Variants in PCDHA7 observed in about 807,000 individuals in gnomAD.
PCDHA7 encodes protocadherin alpha 7.
In PCDHA7, 37 loss-of-function variants were observed where a neutral mutation model predicts 57.2. The observed-to-expected ratio is 0.65, with a 90% CI of 0.50 to 0.85. PCDHA7 has a LOEUF of 0.85. Among genes scored for constraint, PCDHA7 ranks in the 40% least tolerant of loss-of-function variants. PCDHA7 has a pLI of 0.00. For synonymous variants in PCDHA7, 553 were observed against 558.8 expected (o/e 0.99, Z 0.15); for missense variants, 1,188 against 1,241.8 (o/e 0.96, Z 0.65).
chr5:140,938,309 A>T (rs1379097876), intron 1 of PCDHA7, among the ~76,000 whole-genome samples: 1 of 152,216 alleles, frequency 6.6e-6, no homozygotes, highest in African/African-American at 2.4e-5. Flanking sequence ...AATTCAGTAT[A>T]AAATTGAATA....
rs906170025 is a variant in PCDHA7 at position 140,935,893 on chromosome 5, T to C, written c.2356-43056T>C. Among the ~76,000 whole-genome samples, 23 of 129,968 alleles carry C rather than the reference T, an allele frequency of 1.8e-4. 1 individual carries two copies. In the Admixed American group the frequency reaches 1.8e-3, roughly 10 times the overall value. The allele number at this position is 129,968 out of a possible 152,430, so 85.3% of individuals were successfully genotyped here. A position where few individuals can be genotyped will look rare whatever the true frequency, so the allele number is the denominator to read the frequency against. ...AATGAGCTCCAATTTATCAATATTA[T>C]CTTTTTTTTTTTTTTTTGAGACAGA... On this transcript the variant is annotated intron_variant, in intron 1 of 3. Transcript: ENST00000525929.
intron 1 of PCDHA7, chr5:140,843,553 G>T: frequency 6.3e-7 from 1 of 1,595,928 alleles, no homozygotes; most frequent in African/African-American, 1.3e-5. Context: ...GCTCCAGTGC[G>T]GTGGGGAGCT....
At chr5:140,915,290 C>G (rs1583944127) in intron 1 of PCDHA7, among the ~76,000 whole-genome samples, 1 of 152,254 alleles carries the variant, frequency 6.6e-6, no homozygotes, top group African/African-American at 2.4e-5. Flanking sequence ...ACTCTTTCTA[C>G]TTAAGATAAG....
At chr5:140,942,601 GT>G (rs1453167051) in intron 1 of PCDHA7, among the ~76,000 whole-genome samples, 1 of 130,480 alleles carries the variant, frequency 7.7e-6, no homozygotes, top group Non-Finnish European at 1.6e-5. Flanking sequence ...TAATTATAGT[GT>G]TTATATTTGC....
intron 1 of PCDHA7, chr5:140,930,305 T>C (rs1554207723): frequency 6.6e-6 from 1 of 152,252 alleles, no homozygotes; most frequent in Non-Finnish European, 1.5e-5. Flanking sequence ...TAAGTAAATA[T>C]CATATTTGAG....
intron 3 of PCDHA7, among the ~76,000 whole-genome samples, chr5:140,985,692 C>T (rs1208331191): frequency 6.6e-6 from 1 of 151,060 alleles, no homozygotes; most frequent in Non-Finnish European, 1.5e-5. Flanking sequence ...CGCTAATCCT[C>T]GTTCATATGT....
intron 1 of PCDHA7, among the ~76,000 whole-genome samples, chr5:140,939,605 G>GAACAAGGA (rs1468383916): frequency 1.3e-5 from 2 of 152,082 alleles, no homozygotes; most frequent in African/African-American, 4.8e-5. Flanking sequence ...CTCAAAAACA[G>GAACAAGGA]AACAAGGAGA....
At chr5:140,882,529 T>G (rs1277056302) in intron 1 of PCDHA7, 1 of 1,614,074 alleles carries the variant, frequency 6.2e-7, no homozygotes, top group Non-Finnish European at 8.5e-7. Context: ...TGTTTGTGAA[T>G]TCTCGGATCG....
At chr5:140,856,890 G>T in intron 1 of PCDHA7, 2 of 1,596,172 alleles carry the variant, frequency 1.3e-6, no homozygotes, top group Non-Finnish European at 1.7e-6. Context: ...TATTCATTTA[G>T]CTCTTTGGTC....
At chr5:140,923,266 T>C (rs184590818) in intron 1 of PCDHA7, among the ~76,000 whole-genome samples, 1 of 152,284 alleles carries the variant, frequency 6.6e-6, no homozygotes, top group African/African-American at 2.4e-5. Context: ...TAGTGAGACC[T>C]TGTCTCTACA....
chr5:140,946,327 G>C (rs2093929992), intron 1 of PCDHA7, among the ~76,000 whole-genome samples: 2 of 151,720 alleles, frequency 1.3e-5, no homozygotes, highest in Non-Finnish European at 3.0e-5. Flanking sequence ...AAAGAGGAAA[G>C]ATAACAAGTG....
At chr5:140,954,299 C>T (rs964431670) in intron 1 of PCDHA7, among the ~76,000 whole-genome samples, 2 of 152,166 alleles carry the variant, frequency 1.3e-5, no homozygotes, top group Non-Finnish European at 2.9e-5. Context: ...GGTACATACC[C>T]AGTAATGGGA....
intron 1 of PCDHA7, among the ~76,000 whole-genome samples, chr5:140,939,732 G>C (rs2092446551): frequency 6.6e-6 from 1 of 152,168 alleles, no homozygotes; most frequent in African/African-American, 2.4e-5. Context: ...GTTGTGTGTA[G>C]CTGTGTATCA....
At position 140,849,901 on chromosome 5, in the gene PCDHA7, C is replaced by T. The variant is rs1554143464; in HGVS notation, c.2355+13163C>T. On this transcript the variant is annotated intron_variant, in intron 1 of 3. Coordinates refer to ENST00000525929, the MANE Select transcript of PCDHA7 (RefSeq NM_018910.3). ...ACGGTGTTCGTGAAGGAGAACAACC[C>T]GCCGGGCTGCCACATCTTCACGGTG... 8.1e-6 allele frequency: 13 copies of T among 1,598,462 alleles called. 2 individuals are homozygous for T. The highest frequency in any genetic ancestry group is 1.1e-5 in the South Asian group (1 of 90,542).
intron 3 of PCDHA7, among the ~76,000 whole-genome samples, chr5:140,988,661 A>G (rs1411850477): frequency 6.6e-6 from 1 of 152,186 alleles, no homozygotes; most frequent in Non-Finnish European, 1.5e-5. Context: ...TTGTTTATGA[A>G]TAGACTCTAA....
intron 1 of PCDHA7, chr5:140,842,646 C>T: frequency 6.3e-7 from 1 of 1,595,360 alleles, no homozygotes; most frequent in Non-Finnish European, 8.6e-7. Flanking sequence ...GCCAGCTTGT[C>T]TGTGGAGGTG....
At chr5:140,905,986 T>G (rs2072268646) in intron 1 of PCDHA7, among the ~76,000 whole-genome samples, 1 of 152,198 alleles carries the variant, frequency 6.6e-6, no homozygotes, top group Non-Finnish European at 1.5e-5. Flanking sequence ...GGGAGAAAGA[T>G]GTAGGCTGGG....
At chr5:140,965,521 G>T (rs1554227745) in intron 1 of PCDHA7, among the ~76,000 whole-genome samples, 1 of 150,834 alleles carries the variant, frequency 6.6e-6, no homozygotes, top group African/African-American at 2.4e-5. Flanking sequence ...TAACTGCAAA[G>T]CATTAATGGA....
chr5:140,835,561 T>A lies in PCDHA7; in HGVS notation c.1178T>A (p.Val393Asp), dbSNP rs1304711365. 6 of 1,613,806 alleles carry A rather than the reference T, an allele frequency of 3.7e-6. No individual in the cohort carries two copies. The highest frequency in any genetic ancestry group is 1.7e-5 in the Admixed American group (1 of 59,986). ...GQVTCSLTPRVPFKLVSTFKN... is the reference protein window; with the variant it reads ...GQVTCSLTPRDPFKLVSTFKN... ...GTTACCTGCTCCCTGACGCCCCGCG[T>A]TCCCTTCAAGTTGGTGTCCACCTTC... The change falls in exon 1 of 4, where the codon GTT (valine) becomes GAT (aspartate). Residue 393 changes from valine to aspartate, a missense_variant. Val to Asp is a radical substitution (Grantham distance 152). This residue lies in a region of PCDHA7 where 892 missense variants were observed against 788.5 expected (regional missense o/e 1.13). Transcript: ENST00000525929.
Sources: gnomAD v4.1 joint callset for allele counts (sites outside exome capture counted in the v4.1 genomes callset) on GRCh38, gnomAD v4.1.1 for gene constraint, gnomAD v4.1.1 regional missense constraint, MANE v1.5 for transcripts, NCBI Gene and HGNC (gene_info 2026-07-23, HGNC 2026-07-21) for gene names.